The following UTY variants were observed in gnomAD, a reference collection of about 807,000 sequenced individuals.
UTY encodes the protein histone demethylase UTY.
Under a neutral mutation model 32.5 loss-of-function variants are expected in UTY, and 12 were observed. The ratio of observed to expected loss-of-function variants is 0.37; its 90% CI spans 0.24 to 0.60. The LOEUF is 0.60. Ranked by LOEUF, UTY falls within the 20% of genes least tolerant of loss-of-function variation. The pLI is 0.69. For missense variants in UTY, 303 were observed against 299.2 expected, an observed-to-expected ratio of 1.01 and a Z score of -0.09; for synonymous variants, 131 against 103.4, an observed-to-expected ratio of 1.27 and a Z score of -1.62.
intron 23 of UTY, chrY:13,305,815 G>A: frequency 1.4e-5 from 1 of 70,314 alleles, no homozygotes; most frequent in Non-Finnish European, 2.1e-5. Context: ...GGGTACTTTG[G>A]TTTTCTTAAG....
At chrY:13,250,439 C>T (rs777142711) in intron 29 of UTY, among the ~76,000 whole-genome samples, 1 of 33,978 alleles carries the variant, frequency 2.9e-5, no homozygotes, top group African/African-American at 1.1e-4. Context: ...TTTTAGATTG[C>T]TAAAAGAAAA....
intron 10 of UTY, among the ~76,000 whole-genome samples, chrY:13,361,320 C>G (rs2149275605): frequency 3.0e-5 from 1 of 33,143 alleles, no homozygotes; most frequent in South Asian, 6.5e-4. Context: ...ACTCAACCTA[C>G]AAATGGAAAT....
At chrY:13,325,587 T>C (rs934204619) in intron 19 of UTY, among the ~76,000 whole-genome samples, 19 of 34,154 alleles carry the variant, frequency 5.6e-4, no homozygotes, top group African/African-American at 1.1e-3. Flanking sequence ...CATGTATTTA[T>C]GTAAAACTTT....
At chrY:13,274,719 G>A in intron 27 of UTY, among the ~76,000 whole-genome samples, 5 of 30,300 alleles carry the variant, frequency 1.7e-4, no homozygotes, top group African/African-American at 3.9e-4. Flanking sequence ...GGAATCGGAG[G>A]TGCGGTGAGC....
Position 13,248,712 on chromosome Y carries a change from G to C in UTY, c.*1144C>G. 1 of 37,991 alleles carries C rather than the reference G, an allele frequency of 2.6e-5. No homozygotes were observed. Among genetic ancestry groups the C allele is most frequent in the South Asian group, 6.4e-4 (1 of 1,572 alleles). The allele number at this position is 37,991 out of a possible 400,897, so 9.5% of individuals were successfully genotyped here. Reference sequence around the variant, plus strand: ...AAAATATTTACTTCACTGACTATATGTTTTCTACTGTTATAAAATACAATT... The same window carrying C: ...AAAATATTTACTTCACTGACTATATCTTTTCTACTGTTATAAAATACAATT... On this transcript the variant is annotated 3_prime_UTR_variant, in exon 30 of 30. Coordinates refer to ENST00000545955, the MANE Select transcript of UTY (RefSeq NM_001258249.2).
At chrY:13,368,231 A>G (rs1603442166) in intron 9 of UTY, among the ~76,000 whole-genome samples, 1 of 15,863 alleles carries the variant, frequency 6.3e-5, no homozygotes, top group East Asian at 1.5e-3. Context: ...ATGCCTGGCT[A>G]TTTTTTTTTT....
At chrY:13,459,154 TATAATA>T (rs2077151040) in intron 3 of UTY, among the ~76,000 whole-genome samples, 1 of 32,058 alleles carries the variant, frequency 3.1e-5, no homozygotes, top group Non-Finnish European at 7.6e-5. Flanking sequence ...AAACTTAAAG[TATAATA>T]ATAATAAAAT....
At chrY:13,380,772 G>A (rs2066043257) in intron 8 of UTY, among the ~76,000 whole-genome samples, 1 of 32,216 alleles carries the variant, frequency 3.1e-5, no homozygotes, top group African/African-American at 1.2e-4. Context: ...AAGAAGTGGA[G>A]TAAAATGTCT....
chrY:13,466,347 A>C (rs2077915457), intron 3 of UTY, among the ~76,000 whole-genome samples: 1 of 33,459 alleles, frequency 3.0e-5, no homozygotes, highest in Admixed American at 2.8e-4. Flanking sequence ...AAAAACACCG[A>C]ATTCCTTTTT....
chrY:13,370,451 T>C, intron 8 of UTY, among the ~76,000 whole-genome samples: 1 of 33,642 alleles, frequency 3.0e-5, no homozygotes, highest in African/African-American at 1.2e-4. Flanking sequence ...AACAACACTA[T>C]TTTTCTCTCT....
chrY:13,382,040 T>C, intron 8 of UTY, among the ~76,000 whole-genome samples: 1 of 32,542 alleles, frequency 3.1e-5, no homozygotes, highest in Non-Finnish European at 7.5e-5. Flanking sequence ...GTAGATGATA[T>C]GAAAAGATAA....
At chrY:13,292,017 A>G in intron 27 of UTY, among the ~76,000 whole-genome samples, 1 of 33,602 alleles carries the variant, frequency 3.0e-5, no homozygotes, top group South Asian at 6.6e-4. Context: ...CCTTTCCTTT[A>G]AGAGCTGGAA....
At chrY:13,388,151 T>C (rs753603135) in intron 8 of UTY, among the ~76,000 whole-genome samples, 2 of 34,083 alleles carry the variant, frequency 5.9e-5, no homozygotes, top group Non-Finnish European at 1.5e-4. Flanking sequence ...AGATTTACTA[T>C]GTTAAAAACA....
Position 13,410,954 on chromosome Y carries a change from T to C in UTY, c.555+39A>G, listed in dbSNP as rs376807029. On this transcript the variant is annotated intron_variant, in intron 6 of 29. Coordinates refer to ENST00000545955, the MANE Select transcript of UTY (RefSeq NM_001258249.2). ...GCACATGTGCATGCACGCACACACATATGAAATTGTGTATGTGGGAAAAAT... is the reference window on the plus strand; with the variant it reads ...GCACATGTGCATGCACGCACACACACATGAAATTGTGTATGTGGGAAAAAT... The C allele has an allele frequency of 7.7e-6, 3 of 391,828 alleles. No individual in the cohort carries two copies. In the Admixed American group the frequency reaches 2.3e-4, roughly 30 times the overall value.
intron 27 of UTY, among the ~76,000 whole-genome samples, chrY:13,281,197 A>G (rs2056994115): frequency 8.8e-5 from 3 of 34,043 alleles, no homozygotes; most frequent in Non-Finnish European, 2.2e-4. Flanking sequence ...TTCAAGATAC[A>G]GACAATATAG....
intron 4 of UTY, among the ~76,000 whole-genome samples, chrY:13,441,089 T>C: frequency 9.0e-5 from 3 of 33,242 alleles, no homozygotes; most frequent in Non-Finnish European, 2.2e-4. Context: ...AGCCACAGAA[T>C]AGGAGGCAGA....
At chrY:13,314,043 G>A in intron 21 of UTY, among the ~76,000 whole-genome samples, 1 of 33,288 alleles carries the variant, frequency 3.0e-5, no homozygotes, top group Non-Finnish European at 7.4e-5. Flanking sequence ...AGGAAAGGAG[G>A]TGGGGCATGA....
intron 2 of UTY, 90 bp downstream of exon 2, chrY:13,479,164 G>A: frequency 3.5e-6 from 1 of 287,513 alleles, no homozygotes; most frequent in Non-Finnish European, 5.3e-6. Flanking sequence ...ATGGAGCAGA[G>A]CCAAAATAAA....
Position 13,238,114 on chromosome Y carries a change from C to A in UTY, c.*1477-3288G>T. ...GCCAGTGGCCTGAGAATCCCTCTAA[C>A]CCCTGCTTTCCAGGCCCAGCACATG... On this transcript the variant is annotated intron_variant and NMD_transcript_variant, in intron 28 of 28. Transcript: ENST00000682112. Among the ~76,000 whole-genome samples, 3 of 33,728 alleles carry A rather than the reference C, an allele frequency of 8.9e-5. No individual in the cohort carries two copies. In the South Asian group the frequency reaches 2.0e-3, roughly 22 times the overall value. 90.5% of individuals were successfully genotyped at this position (33,728 alleles called of 37,273 possible).
Sources: gnomAD v4.1 joint callset for allele counts (sites outside exome capture counted in the v4.1 genomes callset) on GRCh38, gnomAD v4.1.1 for gene constraint, MANE v1.5 for transcripts, NCBI Gene and HGNC (gene_info 2026-07-23, HGNC 2026-07-21) for gene names.